Variants in NTM observed in about 807,000 individuals in gnomAD.
NTM encodes neurotrimin.
Under a neutral mutation model 42.1 loss-of-function variants are expected in NTM, and 13 were observed. That is an observed-to-expected ratio of 0.31 (90% CI 0.20 to 0.49). NTM has a LOEUF of 0.49. Ranked by LOEUF, NTM falls within the 20% of genes least tolerant of loss-of-function variation. The pLI is 0.99. For synonymous variants in NTM, 187 were observed against 179.2 expected, an observed-to-expected ratio of 1.04 and a Z score of -0.35; for missense variants, 373 against 452.8, an observed-to-expected ratio of 0.82 and a Z score of 1.60.
chr11:132,111,812 T>C (rs10791203), intron 2 of NTM, among the ~76,000 whole-genome samples: 108,141 of 152,202 alleles, frequency 0.71, 39,349 homozygotes, highest in African/African-American at 0.82. Flanking sequence ...TCAACACCAC[T>C]TGGAAGCTGG....
rs971573872 is a variant in NTM, at chr11:131,796,695, T to A, written c.83-114869T>A. Among the ~76,000 whole-genome samples, 5 of 152,216 alleles carry A rather than the reference T, an allele frequency of 3.3e-5. No homozygotes were observed. The East Asian group carries it at 9.7e-4, about 29-fold the overall frequency. ...GAGACACAGGAGCTTATCAAGAACGTGGGATGGCCTCGACATCAGCGCATG... is the reference window on the plus strand; with the variant it reads ...GAGACACAGGAGCTTATCAAGAACGAGGGATGGCCTCGACATCAGCGCATG... On this transcript the variant is annotated intron_variant, in intron 1 of 8. Transcript: ENST00000683400.
chr11:132,082,151 T>C (rs1214950760), intron 2 of NTM, among the ~76,000 whole-genome samples: 1 of 152,004 alleles, frequency 6.6e-6, no homozygotes, highest in Admixed American at 6.6e-5. Context: ...AGTCCATCCC[T>C]AAAGAATTGA....
At chr11:131,590,401 C>T (rs144149774) in intron 1 of NTM, among the ~76,000 whole-genome samples, 1 of 152,102 alleles carries the variant, frequency 6.6e-6, no homozygotes, top group African/African-American at 2.4e-5. Flanking sequence ...AAGAACCAAG[C>T]GACATGCTGG....
chr11:131,750,486 T>C (rs893601731), intron 1 of NTM, among the ~76,000 whole-genome samples: 2 of 152,160 alleles, frequency 1.3e-5, no homozygotes, highest in Non-Finnish European at 2.9e-5. Context: ...ACAGGTCTTT[T>C]TTCTCTCCAC....
intron 1 of NTM, among the ~76,000 whole-genome samples, chr11:131,838,257 CAT>C (rs1314746261): frequency 6.6e-6 from 1 of 152,162 alleles, no homozygotes; most frequent in Non-Finnish European, 1.5e-5. Flanking sequence ...CGGGCTCTGT[CAT>C]GTGTGTCAGG....
intron 1 of NTM, among the ~76,000 whole-genome samples, chr11:131,737,252 C>T (rs2080587277): frequency 6.6e-6 from 1 of 152,140 alleles, no homozygotes; most frequent in Non-Finnish European, 1.5e-5. Context: ...AGGAAGGAAA[C>T]AAAGTGGCTG....
intron 2 of NTM, among the ~76,000 whole-genome samples, chr11:131,962,710 T>C (rs192018741): frequency 2.0e-5 from 3 of 152,280 alleles, no homozygotes; most frequent in Admixed American, 2.0e-4. Context: ...CGTGTCCTCA[T>C]TGCTTATGCC....
intron 1 of NTM, among the ~76,000 whole-genome samples, chr11:131,450,325 T>A (rs1950386247): frequency 6.6e-6 from 1 of 152,188 alleles, no homozygotes; most frequent in Non-Finnish European, 1.5e-5. Flanking sequence ...TAACCCGAAG[T>A]GGCTCGTGGC....
intron 1 of NTM, among the ~76,000 whole-genome samples, chr11:131,642,916 T>A (rs2065306087): frequency 1.3e-5 from 2 of 152,198 alleles, no homozygotes; most frequent in South Asian, 2.1e-4. Context: ...GAAGCCTTAA[T>A]ATAGGCTCTT....
At chr11:132,019,548 T>C (rs2135507288) in intron 2 of NTM, among the ~76,000 whole-genome samples, 1 of 152,202 alleles carries the variant, frequency 6.6e-6, no homozygotes, top group African/African-American at 2.4e-5. Context: ...TGAACTCTTT[T>C]ATCATACTGA....
intron 1 of NTM, among the ~76,000 whole-genome samples, chr11:131,755,782 A>T (rs2083253025): frequency 6.6e-6 from 1 of 152,240 alleles, no homozygotes; most frequent in Non-Finnish European, 1.5e-5. Flanking sequence ...AGAGTAAATC[A>T]GACCTTGATT....
At chr11:131,873,388 C>T (rs925189740) in intron 1 of NTM, among the ~76,000 whole-genome samples, 4 of 151,214 alleles carry the variant, frequency 2.6e-5, no homozygotes, top group Non-Finnish European at 5.9e-5. Context: ...GGAGATACAG[C>T]GTTAGGAGAA....
At chr11:131,406,134 C>A (rs1325371019) in intron 1 of NTM, among the ~76,000 whole-genome samples, 1 of 152,130 alleles carries the variant, frequency 6.6e-6, no homozygotes, top group Admixed American at 6.5e-5. Flanking sequence ...AGGGTATTGT[C>A]TTGTTCATCA....
At chr11:131,576,328 C>A (rs760471705) in intron 1 of NTM, among the ~76,000 whole-genome samples, 1 of 152,168 alleles carries the variant, frequency 6.6e-6, no homozygotes, top group Non-Finnish European at 1.5e-5. Context: ...TCAAAAGAAC[C>A]AGGATTGGTC....
intron 1 of NTM, among the ~76,000 whole-genome samples, chr11:131,548,257 T>C (rs1269754777): frequency 1.3e-5 from 2 of 152,306 alleles, no homozygotes; most frequent in African/African-American, 4.8e-5. Flanking sequence ...CACAAGCATG[T>C]TTTGCCTCCA....
chr11:131,571,069 G>A (rs960108873), intron 1 of NTM, among the ~76,000 whole-genome samples: 3 of 152,162 alleles, frequency 2.0e-5, no homozygotes, highest in Admixed American at 1.3e-4. Context: ...GTGCGGCCTC[G>A]GGCAAGTCAC....
At chr11:131,680,549 C>CTGTGTGTGTG (rs149161740) in intron 1 of NTM, among the ~76,000 whole-genome samples, 4 of 3,374 alleles carry the variant, frequency 1.2e-3, no homozygotes, top group Admixed American at 3.5e-3. Context: ...CTGTGAGTGC[C>CTGTGTGTGTG]TGTGTGTGTG....
intron 1 of NTM, among the ~76,000 whole-genome samples, chr11:131,522,158 G>A (rs536616128): frequency 9.2e-5 from 14 of 152,090 alleles, no homozygotes; most frequent in Admixed American, 2.0e-4. Flanking sequence ...TGGGTCATCC[G>A]GGATCTCTTC....
chr11:132,240,416 A>T (rs746293633), intron 4 of NTM, among the ~76,000 whole-genome samples: 1 of 152,218 alleles, frequency 6.6e-6, no homozygotes, highest in East Asian at 1.9e-4. Flanking sequence ...TGATTCTAAC[A>T]GTCTTCTTGG....
Sources: gnomAD v4.1 joint callset for allele counts (sites outside exome capture counted in the v4.1 genomes callset) on GRCh38, gnomAD v4.1.1 for gene constraint, MANE v1.5 for transcripts, NCBI Gene and HGNC (gene_info 2026-07-23, HGNC 2026-07-21) for gene names.